RPTOR: variants seen among roughly 807,000 people sequenced by gnomAD.
RPTOR encodes the protein regulatory-associated protein of mTOR.
RPTOR carries 21 observed loss-of-function variants against 169.9 expected under a neutral mutation model. That is an observed-to-expected ratio of 0.12 (90% confidence interval 0.09 to 0.18). RPTOR has a LOEUF of 0.18. Among genes scored for constraint, RPTOR ranks in the 10% least tolerant of loss-of-function variants. The probability of loss-of-function intolerance (pLI) is 1.00; values close to 1 mark genes in which losing one functional copy is unlikely to be tolerated. For synonymous variants in RPTOR, 732 were observed against 753.2 expected (o/e 0.97, Z 0.46); for missense variants, 1,133 against 1,855.9 (o/e 0.61, Z 7.16).
chr17:80,767,002 A>G (rs1421539300), intron 6 of RPTOR, among the ~76,000 whole-genome samples: 1 of 152,240 alleles, frequency 6.6e-6, no homozygotes, highest in East Asian at 1.9e-4. Context: ...AGAGTGCTCA[A>G]GAAAAATAGA....
At chr17:80,917,117 T>TA (rs2068682408) in intron 21 of RPTOR, among the ~76,000 whole-genome samples, 1 of 34,580 alleles carries the variant, frequency 2.9e-5, no homozygotes, top group Admixed American at 3.2e-4. Flanking sequence ...ATAGGTTTCA[T>TA]TTTTTTTTTT....
chr17:80,649,208 A>G (rs1202800440), intron 3 of RPTOR, among the ~76,000 whole-genome samples: 1 of 152,212 alleles, frequency 6.6e-6, no homozygotes, highest in Non-Finnish European at 1.5e-5. Context: ...AGGTGCTCCA[A>G]AGCTATTCAT....
chr17:80,839,461 C>T (rs570502320), intron 10 of RPTOR, among the ~76,000 whole-genome samples: 7 of 152,340 alleles, frequency 4.6e-5, no homozygotes, highest in South Asian at 2.1e-4. Context: ...TGCAGACCGC[C>T]CCGCATTTTA....
intron 29 of RPTOR, among the ~76,000 whole-genome samples, chr17:80,958,197 A>T (rs944419273): frequency 1.3e-4 from 4 of 31,338 alleles, no homozygotes; most frequent in Admixed American, 3.6e-4. Context: ...CTCCCACCTC[A>T]CCCCCCCCCC....
chr17:80,792,253 C>G (rs199898998), intron 7 of RPTOR, among the ~76,000 whole-genome samples: 1 of 152,116 alleles, frequency 6.6e-6, no homozygotes, highest in Non-Finnish European at 1.5e-5. Flanking sequence ...AATTAACATG[C>G]AAGATAATTG....
intron 3 of RPTOR, among the ~76,000 whole-genome samples, chr17:80,645,266 A>G (rs918166580): frequency 1.3e-5 from 2 of 152,202 alleles, no homozygotes; most frequent in Non-Finnish European, 2.9e-5. Context: ...GGCACATGGC[A>G]TGTCGTTAAC....
At chr17:80,753,591 C>T (rs1483626259) in intron 5 of RPTOR, among the ~76,000 whole-genome samples, 1 of 142,312 alleles carries the variant, frequency 7.0e-6, no homozygotes, top group African/African-American at 2.6e-5. Flanking sequence ...CGAGATCGCG[C>T]CACTGCACTC....
chr17:80,592,768 G>A (rs550425203), intron 1 of RPTOR, among the ~76,000 whole-genome samples: 23 of 152,294 alleles, frequency 1.5e-4, no homozygotes, highest in African/African-American at 5.1e-4. Flanking sequence ...ATTTAGTGTA[G>A]TTCAGTTCTC....
At chr17:80,922,915 C>T in intron 22 of RPTOR, 88 bp downstream of exon 22, 3 of 1,097,630 alleles carry the variant, frequency 2.7e-6, no homozygotes, top group Admixed American at 4.6e-5. Context: ...TCCCCATCCT[C>T]CTCCTTCCCC....
At chr17:80,908,138 T>C (rs1418437224) in intron 20 of RPTOR, among the ~76,000 whole-genome samples, 3 of 152,328 alleles carry the variant, frequency 2.0e-5, no homozygotes, top group African/African-American at 7.2e-5. Context: ...CTTCCCTCCA[T>C]GCCCACGACT....
intron 24 of RPTOR, among the ~76,000 whole-genome samples, chr17:80,938,564 G>A (rs2068983597): frequency 6.6e-6 from 1 of 152,180 alleles, no homozygotes; most frequent in South Asian, 2.1e-4. Context: ...TGGTTGCTAA[G>A]AATCCACAGT....
intron 6 of RPTOR, among the ~76,000 whole-genome samples, chr17:80,776,393 G>A (rs950180937): frequency 3.7e-5 from 5 of 136,924 alleles, no homozygotes; most frequent in East Asian, 4.2e-4. Context: ...GCGTGATCTC[G>A]GCTCACTGCA....
At chr17:80,781,526 A>G (rs1387582503) in intron 6 of RPTOR, among the ~76,000 whole-genome samples, 1 of 152,182 alleles carries the variant, frequency 6.6e-6, no homozygotes, top group Non-Finnish European at 1.5e-5. Flanking sequence ...AACTTACTCA[A>G]AAAGGGCCCC....
chr17:80,640,508 G>C (rs556395664), intron 2 of RPTOR, among the ~76,000 whole-genome samples: 27 of 152,358 alleles, frequency 1.8e-4, no homozygotes, highest in Admixed American at 1.4e-3. Flanking sequence ...GGGATTCCCA[G>C]TGGATAGGCG....
intron 21 of RPTOR, chr17:80,909,550 G>A (rs926789890): frequency 6.6e-6 from 1 of 151,750 alleles, no homozygotes. Flanking sequence ...TAAATTTTTT[G>A]TAGAGACAGA....
chr17:80,828,170 G>A (rs912000849), intron 9 of RPTOR, among the ~76,000 whole-genome samples: 4 of 152,194 alleles, frequency 2.6e-5, no homozygotes, highest in East Asian at 1.9e-4. Flanking sequence ...CGTTGTCAGC[G>A]TGAGGAAGCT....
chr17:80,608,532 G>A (rs1176140680), intron 1 of RPTOR, among the ~76,000 whole-genome samples: 3 of 152,140 alleles, frequency 2.0e-5, no homozygotes, highest in African/African-American at 7.2e-5. Flanking sequence ...GGTGGCGGTG[G>A]GGGTATCAGG....
intron 1 of RPTOR, among the ~76,000 whole-genome samples, chr17:80,615,419 T>TTTTTTTCC (rs1203799385): frequency 1.3e-5 from 2 of 152,150 alleles, no homozygotes; most frequent in Non-Finnish European, 2.9e-5. Flanking sequence ...GGACACAGTC[T>TTTTTTTCC]TTTTTTCCCC....
At chr17:80,739,346 C>A (rs1053851130) in intron 5 of RPTOR, among the ~76,000 whole-genome samples, 1 of 152,196 alleles carries the variant, frequency 6.6e-6, no homozygotes, top group East Asian at 1.9e-4. Context: ...TCTCACCCAT[C>A]CTCTCCAGCA....
Sources: allele counts gnomAD v4.1 joint callset (sites outside exome capture counted in the v4.1 genomes callset), GRCh38; gene constraint gnomAD v4.1.1; transcripts MANE v1.5; gene names NCBI Gene and HGNC (gene_info 2026-07-23, HGNC 2026-07-21).